The following ANGEL2 variants were observed in gnomAD, a reference collection of about 807,000 sequenced individuals.
ANGEL2 encodes angel homolog 2.
ANGEL2 carries 41 observed loss-of-function variants against 66.0 expected under a neutral mutation model. The ratio of observed to expected loss-of-function variants is 0.62; its 90% confidence interval spans 0.48 to 0.81. ANGEL2 has a LOEUF of 0.81. Among genes scored for constraint, ANGEL2 ranks in the 30% least tolerant of loss-of-function variants. The pLI is 0.00. For synonymous variants in ANGEL2, 208 were observed against 226.5 expected, an observed-to-expected ratio of 0.92 and a Z score of 0.73; for missense variants, 561 against 641.6, an observed-to-expected ratio of 0.87 and a Z score of 1.36.
intron 1 of ANGEL2, among the ~76,000 whole-genome samples, chr1:213,014,135 C>T (rs1048416656): frequency 6.6e-6 from 1 of 152,176 alleles, no homozygotes; most frequent in Non-Finnish European, 1.5e-5. Context: ...CAAAGTGGCG[C>T]TAACATTTTT....
chr1:212,996,224 G>A (rs1422759920), intron 8 of ANGEL2, among the ~76,000 whole-genome samples: 1 of 152,080 alleles, frequency 6.6e-6, no homozygotes, highest in Admixed American at 6.5e-5. Flanking sequence ...GGAGAATGGT[G>A]TGAACCTGGG....
chr1:213,011,837 C>A (rs2076517560), intron 2 of ANGEL2, among the ~76,000 whole-genome samples: 1 of 152,170 alleles, frequency 6.6e-6, no homozygotes, highest in South Asian at 2.1e-4. Context: ...ACCTGATGGA[C>A]AAATTTTTAT....
At chr1:213,007,436 T>C (rs2076365444) in intron 3 of ANGEL2, among the ~76,000 whole-genome samples, 1 of 152,212 alleles carries the variant, frequency 6.6e-6, no homozygotes. Context: ...CTCAAAATTA[T>C]TATTTCCAAA....
At chr1:213,003,102 C>A (rs1002548117) in intron 5 of ANGEL2, among the ~76,000 whole-genome samples, 4 of 152,124 alleles carry the variant, frequency 2.6e-5, no homozygotes, top group Non-Finnish European at 5.9e-5. Flanking sequence ...TAACTTCCAA[C>A]TTCTCTTCTG....
chr1:213,015,040 C>A (rs1218376249), intron 1 of ANGEL2: 1 of 891,106 alleles, frequency 1.1e-6, no homozygotes, highest in African/African-American at 1.8e-5. Flanking sequence ...TTAAAAAAAA[C>A]TGAGTCAATT....
rs887805082 is a variant in ANGEL2, at chr1:212,993,680, G to A, written c.*1361C>T. The A allele has an allele frequency of 6.6e-6, 1 of 152,142 alleles. No homozygotes were observed. Among genetic ancestry groups the A allele is most frequent in the South Asian group, 2.1e-4 (1 of 4,822 alleles). 9.4% of individuals were successfully genotyped at this position (152,142 alleles called of 1,614,324 possible). A position where few individuals can be genotyped will look rare whatever the true frequency, so the allele number is the denominator to read the frequency against. On this transcript the variant is annotated 3_prime_UTR_variant, in exon 9 of 9. Transcript: ENST00000366962. ...CTTGTATAGAGGATTTATTAAACCTGCTCATAACCACTTCATAGAAAGTGT... is the reference window on the plus strand; with the variant it reads ...CTTGTATAGAGGATTTATTAAACCTACTCATAACCACTTCATAGAAAGTGT...
At position 212,994,812 on chromosome 1, in the gene ANGEL2, C is replaced by T; in HGVS notation, c.*229G>A. 1 of 315,796 alleles carries T rather than the reference C, an allele frequency of 3.2e-6. No homozygotes were observed. The highest frequency in any genetic ancestry group is 4.9e-5 in the Admixed American group (1 of 20,588). 19.6% of individuals were successfully genotyped at this position (315,796 alleles called of 1,614,324 possible). ...TTTAGAATATAAAACCTTTACATCT[C>T]TTTTACAATAAAGAGAATTTAGAGC... On this transcript the variant is annotated 3_prime_UTR_variant, in exon 9 of 9. Transcript: ENST00000366962.
At chr1:213,011,699 A>G (rs571483395) in intron 2 of ANGEL2, among the ~76,000 whole-genome samples, 44 of 152,322 alleles carry the variant, frequency 2.9e-4, no homozygotes, top group African/African-American at 1.0e-3. Flanking sequence ...GTCCAAGTTC[A>G]TATAATTAGT....
intron 8 of ANGEL2, among the ~76,000 whole-genome samples, chr1:212,996,199 C>T (rs891356049): frequency 4.6e-5 from 7 of 152,074 alleles, no homozygotes; most frequent in East Asian, 1.9e-4. Flanking sequence ...CCCAGTGGCT[C>T]GGGAGGCTGA....
intron 8 of ANGEL2, among the ~76,000 whole-genome samples, chr1:212,996,622 CCAAAAA>C (rs1420990417): frequency 8.8e-5 from 2 of 22,714 alleles, no homozygotes; most frequent in African/African-American, 1.3e-4. Flanking sequence ...GACTCTGTAT[CCAAAAA>C]AAAAAAAAAA....
At chr1:212,998,435 A>G (rs1020813530) in intron 7 of ANGEL2, among the ~76,000 whole-genome samples, 25 of 152,108 alleles carry the variant, frequency 1.6e-4, no homozygotes, top group African/African-American at 6.0e-4. Context: ...GTCTTCTGCA[A>G]ACTCTTATCT....
At position 213,011,606 on chromosome 1, in the gene ANGEL2, C is replaced by T. The variant is rs534788860; in HGVS notation, c.385+1487G>A. 28 of 328,176 alleles carry T rather than the reference C, an allele frequency of 8.5e-5. No homozygotes were observed. In the South Asian group the frequency reaches 1.3e-3, roughly 15 times the overall value. 20.3% of individuals were successfully genotyped at this position (328,176 alleles called of 1,614,324 possible). On this transcript the variant is annotated intron_variant, in intron 2 of 8. Coordinates refer to ENST00000366962, the MANE Select transcript of ANGEL2 (RefSeq NM_144567.5). ...ACAGTGTGTTAGGCACTTTGACATA[C>T]AGTATCTCATTTCATTCAACAGACT... is the stretch of plus-strand genomic sequence containing the variant.
intron 8 of ANGEL2, among the ~76,000 whole-genome samples, chr1:212,996,646 T>G (rs376959912): frequency 1.2e-5 from 1 of 85,588 alleles, no homozygotes; most frequent in African/African-American, 3.9e-5. Context: ...AAAAAATATA[T>G]ATATATATAT....
chr1:212,996,938 T>A (rs1239960526), intron 8 of ANGEL2, among the ~76,000 whole-genome samples: 1 of 152,112 alleles, frequency 6.6e-6, no homozygotes, highest in Non-Finnish European at 1.5e-5. Flanking sequence ...ATGTAATTCT[T>A]GGGTAATAAT....
At position 212,994,965 on chromosome 1, in the gene ANGEL2, G is replaced by C; in HGVS notation, c.*76C>G. The C allele has an allele frequency of 7.4e-7, 1 of 1,356,866 alleles. No individual in the cohort carries two copies. The allele number at this position is 1,356,866 out of a possible 1,614,324, so 84.1% of individuals were successfully genotyped here. On this transcript the variant is annotated 3_prime_UTR_variant, in exon 9 of 9. Coordinates refer to ENST00000366962, the MANE Select transcript of ANGEL2 (RefSeq NM_144567.5). ...TCCACAGTGCAAAAATAAACAACAT[G>C]CATACACTTAAGAACTTTACATTCT...
intron 2 of ANGEL2, among the ~76,000 whole-genome samples, chr1:213,010,674 T>C (rs760989744): frequency 2.6e-5 from 4 of 152,122 alleles, no homozygotes; most frequent in Non-Finnish European, 5.9e-5. Context: ...TTCTTATGTA[T>C]ACAAGATGGA....
At chr1:212,999,154 G>A (rs181669126) in intron 7 of ANGEL2, among the ~76,000 whole-genome samples, 83 of 151,904 alleles carry the variant, frequency 5.5e-4, no homozygotes, top group Admixed American at 9.8e-4. Context: ...TTACAGGCAC[G>A]AGCCACCACG....
chr1:213,005,093 A>G lies in ANGEL2; in HGVS notation c.1074T>C (p.Ser358=). The G allele has an allele frequency of 6.2e-7, 1 of 1,611,272 alleles. No homozygotes were observed. ...MCGDFNSVPG[S]PLYSFIKEGK... is the part of the protein sequence containing the mutation. Reference sequence around the variant, plus strand: ...CTTCCTTTATGAAACTATATAGTGGAGAACCAGGAACAGAATTAAAGTCAC... The same window carrying G: ...CTTCCTTTATGAAACTATATAGTGGGGAACCAGGAACAGAATTAAAGTCAC... The change falls in exon 5 of 9, where the codon TCT becomes TCC. Residue 358 remains serine, a synonymous_variant. Transcript: ENST00000366962.
chr1:213,000,215 A>C lies in ANGEL2; in HGVS notation c.1319+111T>G, dbSNP rs2076140863. Reference sequence around the variant, plus strand: ...TCTGACTTAAGGGCCAGCACCCTTCACCAGCACGGAATACTATCACCTTCA... The same window carrying C: ...TCTGACTTAAGGGCCAGCACCCTTCCCCAGCACGGAATACTATCACCTTCA... On this transcript the variant is annotated intron_variant, in intron 7 of 8. Transcript: ENST00000366962. The C allele has an allele frequency of 1.4e-5, 14 of 1,000,626 alleles. No individual in the cohort carries two copies. The South Asian group carries it at 1.9e-4, about 13-fold the overall frequency. 62.0% of individuals were successfully genotyped at this position (1,000,626 alleles called of 1,614,324 possible). A position where few individuals can be genotyped will look rare whatever the true frequency, so the allele number is the denominator to read the frequency against.
Sources: allele counts gnomAD v4.1 joint callset (sites outside exome capture counted in the v4.1 genomes callset), GRCh38; gene constraint gnomAD v4.1.1; transcripts MANE v1.5; gene names NCBI Gene and HGNC (gene_info 2026-07-23, HGNC 2026-07-21).